Variants in BRINP1 observed in about 807,000 individuals in gnomAD.
The protein encoded by BRINP1 is BMP/retinoic acid-inducible neural-specific protein 1.
A neutral mutation model predicts 72.9 loss-of-function variants in BRINP1; 17 were observed. The observed-to-expected ratio is 0.23, with a 90% CI of 0.16 to 0.35. The LOEUF (loss-of-function observed/expected upper bound fraction) is 0.35. BRINP1 is among the 10% of genes least tolerant of loss of function. The pLI, the probability that BRINP1 is intolerant of heterozygous loss-of-function variation, is 1.00. For missense variants in BRINP1, 850 were observed against 1,001.6 expected, an observed-to-expected ratio of 0.85 and a Z score of 2.04; for synonymous variants, 418 against 378.5, an observed-to-expected ratio of 1.10 and a Z score of -1.21.
chr9:119,350,167 C>T (rs189559889), intron 1 of BRINP1, among the ~76,000 whole-genome samples: 1 of 152,274 alleles, frequency 6.6e-6, no homozygotes, highest in African/African-American at 2.4e-5. Flanking sequence ...GGTGGGGACA[C>T]ACACCAGCAT....
Position 119,271,265 on chromosome 9 carries a change from G to A in BRINP1, c.219-22115C>T, listed in dbSNP as rs376076811. Among the ~76,000 whole-genome samples, 31 of 151,122 alleles carry A rather than the reference G, an allele frequency of 2.1e-4. No individual in the cohort carries two copies. The East Asian group carries it at 5.5e-3, about 27-fold the overall frequency. On this transcript the variant is annotated intron_variant, in intron 2 of 7. Transcript: ENST00000265922. The stretch of plus-strand genomic sequence containing the variant: ...ATGAGTACAGGGGGAAACGATGAGT[G>A]TAAATGGTGAGAGAGAATGATGGAA...
chr9:119,277,904 G>T (rs1465918950), intron 2 of BRINP1, among the ~76,000 whole-genome samples: 2 of 152,052 alleles, frequency 1.3e-5, no homozygotes, highest in Non-Finnish European at 2.9e-5. Flanking sequence ...TTAAAAAAGA[G>T]GTTACCCCCC....
At chr9:119,233,637 T>C (rs1019025192) in intron 5 of BRINP1, among the ~76,000 whole-genome samples, 1 of 152,130 alleles carries the variant, frequency 6.6e-6, no homozygotes, top group Non-Finnish European at 1.5e-5. Context: ...AAAACCTAAA[T>C]AGATACGTAT....
At chr9:119,237,616 C>T (rs891222955) in intron 5 of BRINP1, among the ~76,000 whole-genome samples, 1 of 151,808 alleles carries the variant, frequency 6.6e-6, no homozygotes, top group Non-Finnish European at 1.5e-5. Context: ...CCCGCCTCGG[C>T]CTCCCAAAGT....
At chr9:119,211,811 T>A (rs1454115186) in intron 6 of BRINP1, among the ~76,000 whole-genome samples, 15 of 152,196 alleles carry the variant, frequency 9.9e-5, no homozygotes, top group South Asian at 4.1e-4. Context: ...AGAGGGAGTG[T>A]ATGCCTTTTG....
intron 2 of BRINP1, among the ~76,000 whole-genome samples, chr9:119,296,933 A>T (rs77699276): frequency 1.3e-5 from 2 of 152,306 alleles, no homozygotes; most frequent in East Asian, 3.9e-4. Flanking sequence ...TAAGTTCTGG[A>T]GAGCTAATAT....
chr9:119,287,336 A>C (rs758481020), intron 2 of BRINP1, among the ~76,000 whole-genome samples: 4 of 152,186 alleles, frequency 2.6e-5, no homozygotes, highest in Non-Finnish European at 5.9e-5. Context: ...TTTATTTCAC[A>C]TACTCTCCTG....
At chr9:119,325,734 T>C (rs2119007496) in intron 1 of BRINP1, among the ~76,000 whole-genome samples, 1 of 152,336 alleles carries the variant, frequency 6.6e-6, no homozygotes, top group South Asian at 2.1e-4. Context: ...GATGCAACCA[T>C]GACACTCACC....
intron 1 of BRINP1, among the ~76,000 whole-genome samples, chr9:119,321,764 T>G (rs1233481143): frequency 6.6e-6 from 1 of 152,242 alleles, no homozygotes; most frequent in Non-Finnish European, 1.5e-5. Flanking sequence ...CAATAGAATT[T>G]TAAATAGCTT....
At chr9:119,338,203 T>G (rs1055545571) in intron 1 of BRINP1, among the ~76,000 whole-genome samples, 1 of 152,170 alleles carries the variant, frequency 6.6e-6, no homozygotes, top group Non-Finnish European at 1.5e-5. Flanking sequence ...TCTGATTAGT[T>G]TCTGGTATTC....
intron 7 of BRINP1, among the ~76,000 whole-genome samples, chr9:119,174,072 T>C (rs1453569050): frequency 7.1e-6 from 1 of 140,008 alleles, no homozygotes; most frequent in Admixed American, 6.9e-5. Context: ...ACTTCATGTC[T>C]AAAACACCAA....
chr9:119,324,656 C>T (rs548728334), intron 1 of BRINP1, among the ~76,000 whole-genome samples: 3 of 152,256 alleles, frequency 2.0e-5, no homozygotes, highest in African/African-American at 7.2e-5. Flanking sequence ...CTGACCCTTG[C>T]TCTAAGTGAA....
At chr9:119,175,194 A>G (rs1311109482) in intron 7 of BRINP1, among the ~76,000 whole-genome samples, 1 of 152,194 alleles carries the variant, frequency 6.6e-6, no homozygotes, top group South Asian at 2.1e-4. Flanking sequence ...TCCATAAAAA[A>G]GGATGAGTTC....
intron 2 of BRINP1, among the ~76,000 whole-genome samples, chr9:119,261,558 A>C (rs1408571173): frequency 6.6e-6 from 1 of 152,128 alleles, no homozygotes. Flanking sequence ...AGCACATAAA[A>C]ATGGTTTCTC....
intron 5 of BRINP1, among the ~76,000 whole-genome samples, chr9:119,215,617 A>T (rs556734831): frequency 6.6e-6 from 1 of 152,134 alleles, no homozygotes; most frequent in African/African-American, 2.4e-5. Flanking sequence ...TTTTCTATTC[A>T]CAGTTGTTTC....
chr9:119,361,899 G>A (rs998606546), intron 1 of BRINP1, among the ~76,000 whole-genome samples: 2 of 150,524 alleles, frequency 1.3e-5, no homozygotes, highest in Admixed American at 1.3e-4. Flanking sequence ...TGCCTCCCGG[G>A]TTCAAGCGAT....
chr9:119,216,846 C>T (rs1173388686), intron 5 of BRINP1, among the ~76,000 whole-genome samples: 1 of 152,050 alleles, frequency 6.6e-6, no homozygotes, highest in Non-Finnish European at 1.5e-5. Flanking sequence ...ATACAAAAGG[C>T]AGTATTACCT....
At chr9:119,314,394 C>T (rs1168036704) in intron 1 of BRINP1, among the ~76,000 whole-genome samples, 1 of 152,168 alleles carries the variant, frequency 6.6e-6, no homozygotes, top group Non-Finnish European at 1.5e-5. Context: ...GAGACGGAGT[C>T]TCACTCTCTC....
chr9:119,358,742 G>A (rs1359825677), intron 1 of BRINP1, among the ~76,000 whole-genome samples: 2 of 152,192 alleles, frequency 1.3e-5, no homozygotes, highest in Non-Finnish European at 2.9e-5. Context: ...GCTGGATTGT[G>A]TTGAAGATAA....
Sources: gnomAD v4.1 joint callset for allele counts (sites outside exome capture counted in the v4.1 genomes callset) on GRCh38, gnomAD v4.1.1 for gene constraint, MANE v1.5 for transcripts, NCBI Gene and HGNC (gene_info 2026-07-23, HGNC 2026-07-21) for gene names.